ADK: variants seen among roughly 807,000 people sequenced by gnomAD.
The protein encoded by ADK is adenosine kinase.
ADK carries 24 observed loss-of-function variants against 44.7 expected under a neutral mutation model. The ratio of observed to expected loss-of-function variants is 0.54; its 90% CI spans 0.39 to 0.76. ADK has a LOEUF of 0.76. Among genes scored for constraint, ADK ranks in the 30% least tolerant of loss-of-function variants. ADK has a pLI of 0.00. For synonymous variants in ADK, 128 were observed against 142.6 expected (o/e 0.90, Z 0.73); for missense variants, 321 against 425.1 (o/e 0.76, Z 2.15).
At chr10:74,590,171 C>T (rs1245391634) in intron 8 of ADK, among the ~76,000 whole-genome samples, 1 of 152,100 alleles carries the variant, frequency 6.6e-6, no homozygotes, top group African/African-American at 2.4e-5. Context: ...ATTGAGTGAA[C>T]TATGTAGAAT....
chr10:74,639,741 C>T (rs1472387488), intron 9 of ADK, among the ~76,000 whole-genome samples: 1 of 152,116 alleles, frequency 6.6e-6, no homozygotes, highest in Non-Finnish European at 1.5e-5. Flanking sequence ...CAGACTGAGG[C>T]AGGAGAATCG....
chr10:74,271,189 G>C (rs543437036), intron 3 of ADK, among the ~76,000 whole-genome samples: 1 of 152,120 alleles, frequency 6.6e-6, no homozygotes, highest in South Asian at 2.1e-4. Flanking sequence ...AGTTGTGGGG[G>C]TTTTTGATAC....
At chr10:74,293,186 AAAAAAAAG>A (rs1839686080) in intron 3 of ADK, among the ~76,000 whole-genome samples, 1 of 150,884 alleles carries the variant, frequency 6.6e-6, no homozygotes, top group Non-Finnish European at 1.5e-5. Flanking sequence ...AAAAAAAAAA[AAAAAAAAG>A]GAAATATTAT....
chr10:74,554,915 A>G (rs1393502194), intron 7 of ADK, among the ~76,000 whole-genome samples: 1 of 152,218 alleles, frequency 6.6e-6, no homozygotes, highest in African/African-American at 2.4e-5. Context: ...CCATACTGTA[A>G]TAGTCTTTGT....
At chr10:74,270,004 A>C (rs1043271774) in intron 3 of ADK, among the ~76,000 whole-genome samples, 2 of 152,218 alleles carry the variant, frequency 1.3e-5, no homozygotes, top group Non-Finnish European at 2.9e-5. Flanking sequence ...TTTCAAAAAA[A>C]TAAATAAATA....
In ADK at chr10:74,605,395, C is replaced by G. The variant is rs147434114; in HGVS notation, c.877+4902C>G. Among the ~76,000 whole-genome samples, 33 of 152,120 alleles carry G rather than the reference C, an allele frequency of 2.2e-4. No individual in the cohort carries two copies. In the East Asian group the frequency reaches 6.2e-3, roughly 29 times the overall value. On this transcript the variant is annotated intron_variant, in intron 9 of 10. Coordinates refer to ENST00000539909, the MANE Select transcript of ADK (RefSeq NM_006721.4). ...GGCTGTGGGTTTGTCATAAATAGTT[C>G]GTATTATTTTAAGATATGTTCCATC... is the stretch of plus-strand genomic sequence containing the variant.
At position 74,516,507 on chromosome 10, in the gene ADK, GCTTTT is replaced by G. The variant is rs1166122511; in HGVS notation, c.556-8728_556-8724del. ...ATCTTGCTGATGTTACTCCTTTATTGCTTTTCTTTTCTTTTCTTTTCTTTTTTTTT... is the reference window on the plus strand; with the variant it reads ...ATCTTGCTGATGTTACTCCTTTATTGCTTTTCTTTTCTTTTCTTTTTTTTT... On this transcript the variant is annotated intron_variant, in intron 6 of 10. Coordinates refer to ENST00000539909, the MANE Select transcript of ADK (RefSeq NM_006721.4). Among the ~76,000 whole-genome samples, 102 of 146,674 alleles carry G rather than the reference GCTTTT, an allele frequency of 7.0e-4. 1 individual carries two copies. Among genetic ancestry groups the G allele is most frequent in the African/African-American group, 2.3e-3 (93 of 39,938 alleles).
intron 6 of ADK, among the ~76,000 whole-genome samples, chr10:74,432,065 G>C (rs557007335): frequency 5.9e-5 from 9 of 152,080 alleles, no homozygotes; most frequent in African/African-American, 2.2e-4. Flanking sequence ...ATGGTGGCTT[G>C]TGCCTGAGGT....
intron 4 of ADK, among the ~76,000 whole-genome samples, chr10:74,339,334 T>C (rs370564830): frequency 6.6e-6 from 1 of 152,230 alleles, no homozygotes; most frequent in South Asian, 2.1e-4. Context: ...ATTTTTAAAA[T>C]GATCCACTTT....
At chr10:74,196,729 A>T (rs1843168135) in intron 1 of ADK, among the ~76,000 whole-genome samples, 1 of 152,226 alleles carries the variant, frequency 6.6e-6, no homozygotes, top group Non-Finnish European at 1.5e-5. Context: ...GTAATTGAAA[A>T]GTCCAGATAC....
intron 1 of ADK, among the ~76,000 whole-genome samples, chr10:74,199,671 T>G (rs1843304015): frequency 6.6e-6 from 1 of 151,986 alleles, no homozygotes; most frequent in Admixed American, 6.6e-5. Flanking sequence ...GTAGAATGAT[T>G]CATTTTTTTT....
intron 4 of ADK, among the ~76,000 whole-genome samples, chr10:74,329,125 A>G (rs1157870627): frequency 2.0e-5 from 3 of 149,360 alleles, no homozygotes; most frequent in Non-Finnish European, 3.0e-5. Context: ...AAAAAAAAAA[A>G]AAAAAGAAAT....
chr10:74,223,786 A>G (rs1475296108), intron 2 of ADK, among the ~76,000 whole-genome samples: 3 of 152,116 alleles, frequency 2.0e-5, no homozygotes, highest in Admixed American at 6.6e-5. Context: ...TAAATGGTCA[A>G]TCAAAAACTC....
At chr10:74,412,258 T>C (rs1195495024) in intron 6 of ADK, among the ~76,000 whole-genome samples, 2 of 152,162 alleles carry the variant, frequency 1.3e-5, no homozygotes, top group Non-Finnish European at 1.5e-5. Flanking sequence ...TCACTGCACA[T>C]TGCAGTCTCA....
chr10:74,171,477 A>G (rs1842158575), intron 1 of ADK, among the ~76,000 whole-genome samples: 1 of 152,168 alleles, frequency 6.6e-6, no homozygotes. Flanking sequence ...TTGGTATGCT[A>G]TTTGGAGGCA....
intron 7 of ADK, among the ~76,000 whole-genome samples, chr10:74,528,783 C>T (rs1353120092): frequency 6.6e-6 from 1 of 152,100 alleles, no homozygotes; most frequent in Non-Finnish European, 1.5e-5. Flanking sequence ...TCAACATAAC[C>T]ATTCAAGAAG....
chr10:74,580,183 G>A (rs1276033653), intron 7 of ADK, among the ~76,000 whole-genome samples: 1 of 152,174 alleles, frequency 6.6e-6, no homozygotes, highest in Non-Finnish European at 1.5e-5. Flanking sequence ...CCCACGTGTT[G>A]TGGGACCCAG....
chr10:74,234,712 G>A (rs1433660984), intron 3 of ADK, among the ~76,000 whole-genome samples: 2 of 151,996 alleles, frequency 1.3e-5, no homozygotes, highest in Non-Finnish European at 1.5e-5. Context: ...CAACAGACTA[G>A]GTCTTTTTTT....
At chr10:74,578,951 G>C (rs1851287146) in intron 7 of ADK, among the ~76,000 whole-genome samples, 1 of 152,104 alleles carries the variant, frequency 6.6e-6, no homozygotes, top group African/African-American at 2.4e-5. Flanking sequence ...ACATGTACAT[G>C]TTTGGTACAG....
Sources: gnomAD v4.1 joint callset for allele counts (sites outside exome capture counted in the v4.1 genomes callset) on GRCh38, gnomAD v4.1.1 for gene constraint, MANE v1.5 for transcripts, NCBI Gene and HGNC (gene_info 2026-07-23, HGNC 2026-07-21) for gene names.